Variants in UROC1 observed in about 807,000 individuals in gnomAD.
UROC1 encodes the protein urocanate hydratase.
A neutral mutation model predicts 89.5 loss-of-function variants in UROC1; 79 were observed. The observed-to-expected ratio is 0.88, with a 90% CI of 0.74 to 1.06. The LOEUF (loss-of-function observed/expected upper bound fraction) is 1.06, where lower values mean the gene tolerates loss of function less well. Ranked by LOEUF, UROC1 falls within the 50% of genes least tolerant of loss-of-function variation. The pLI, the probability that UROC1 is intolerant of heterozygous loss-of-function variation, is 0.00. For missense variants in UROC1, 885 were observed against 907.8 expected (o/e 0.97, Z 0.32); for synonymous variants, 361 against 354.8 (o/e 1.02, Z -0.20).
chr3:126,492,895 C>T (rs543516833), intron 15 of UROC1, among the ~76,000 whole-genome samples: 63 of 152,372 alleles, frequency 4.1e-4, no homozygotes, highest in Admixed American at 1.6e-3. Context: ...CAACGCCATC[C>T]AGGGCAAGTT....
intron 15 of UROC1, among the ~76,000 whole-genome samples, chr3:126,493,402 G>T (rs778355944): frequency 1.3e-5 from 2 of 152,180 alleles, no homozygotes; most frequent in Non-Finnish European, 2.9e-5. Context: ...AACCAAACGT[G>T]GTCTGTCCAT....
chr3:126,485,559 C>G (rs1935495415), intron 18 of UROC1, among the ~76,000 whole-genome samples: 1 of 151,978 alleles, frequency 6.6e-6, no homozygotes, highest in South Asian at 2.1e-4. Flanking sequence ...CATTCCACCC[C>G]ACACCTGCTT....
At chr3:126,496,738 T>C (rs1160504639) in intron 14 of UROC1, among the ~76,000 whole-genome samples, 1 of 152,180 alleles carries the variant, frequency 6.6e-6, no homozygotes, top group Non-Finnish European at 1.5e-5. Flanking sequence ...TTAACATAAA[T>C]ATCATTAAAA....
At chr3:126,498,196 C>T (rs1935829152) in intron 13 of UROC1, 24 bp from the exon 14 acceptor site, 1 of 1,613,820 alleles carries the variant, frequency 6.2e-7, no homozygotes, top group Non-Finnish European at 8.5e-7. Flanking sequence ...TGCCTCCTCA[C>T]CCTGGGCCCG....
chr3:126,511,063 G>A (rs886767910), intron 1 of UROC1, among the ~76,000 whole-genome samples: 6 of 152,014 alleles, frequency 3.9e-5, no homozygotes, highest in Admixed American at 2.6e-4. Flanking sequence ...CCTGTTCTGG[G>A]GATGGCGCTG....
At chr3:126,483,570 G>A in intron 18 of UROC1, 102 bp from the exon 19 acceptor site, 1 of 1,131,880 alleles carries the variant, frequency 8.8e-7, no homozygotes, top group Non-Finnish European at 1.3e-6. Flanking sequence ...GACGGCGTCA[G>A]GGTTGGGGCC....
At chr3:126,495,499 A>G (rs1330451476) in intron 15 of UROC1, among the ~76,000 whole-genome samples, 1 of 152,158 alleles carries the variant, frequency 6.6e-6, no homozygotes, top group Non-Finnish European at 1.5e-5. Flanking sequence ...TTTGAGGCCG[A>G]GTCATATTCC....
At chr3:126,509,785 G>T (rs1936156341) in intron 2 of UROC1, 107 bp from the exon 3 acceptor site, 8 of 1,060,122 alleles carry the variant, frequency 7.5e-6, no homozygotes, top group South Asian at 1.4e-5. Context: ...CCGGACACGG[G>T]GCCTGCAGAA....
At chr3:126,489,073 G>T (rs1253405335) in intron 17 of UROC1, among the ~76,000 whole-genome samples, 1 of 152,208 alleles carries the variant, frequency 6.6e-6, no homozygotes, top group Non-Finnish European at 1.5e-5. Flanking sequence ...AGGGCACCCA[G>T]CTGGCCCGGT....
intron 3 of UROC1, among the ~76,000 whole-genome samples, chr3:126,509,162 G>A (rs1374808082): frequency 1.3e-5 from 2 of 151,434 alleles, no homozygotes; most frequent in Non-Finnish European, 2.9e-5. Flanking sequence ...CTTGAGCCCC[G>A]GAGGTTGAGG....
chr3:126,500,926 A>G (rs757215847), intron 10 of UROC1, 52 bp from the exon 11 acceptor site: 1 of 1,602,582 alleles, frequency 6.2e-7, no homozygotes. Flanking sequence ...CTGGGCCCAG[A>G]GTCTGGGGCC....
Position 126,498,118 on chromosome 3 carries a change from G to T in UROC1, c.1371C>A (p.Asp457Glu). 2 of 1,614,196 alleles carry T rather than the reference G, an allele frequency of 1.2e-6. No individual in the cohort carries two copies. The highest frequency in any genetic ancestry group is 1.1e-5 in the South Asian group (1 of 91,090). ...GPFRWVCTSG[D>E]PQDLAVTDEL... ...CGTCTGTGACCGCCAGGTCCTGGGG[G>T]TCCCCCGATGTGCACACCCAGCGGA... The change falls in exon 14 of 20, where the codon GAC becomes GAA. Residue 457 changes from aspartate (D) to glutamate (E), a missense_variant. Coordinates refer to ENST00000290868, the MANE Select transcript of UROC1 (RefSeq NM_144639.3).
At chr3:126,514,899 T>G (rs936009144) in intron 1 of UROC1, among the ~76,000 whole-genome samples, 1 of 152,016 alleles carries the variant, frequency 6.6e-6, no homozygotes, top group Admixed American at 6.5e-5. Context: ...GAATTTACAC[T>G]TTTATACATT....
intron 6 of UROC1, among the ~76,000 whole-genome samples, chr3:126,506,738 A>G (rs1315372005): frequency 6.6e-6 from 1 of 152,252 alleles, no homozygotes; most frequent in Admixed American, 6.5e-5. Context: ...CTAGGACGTA[A>G]GAGGGATCTC....
At chr3:126,502,759 G>A (rs1019812234) in intron 9 of UROC1, among the ~76,000 whole-genome samples, 1 of 31,366 alleles carries the variant, frequency 3.2e-5, no homozygotes, top group African/African-American at 1.0e-4. Context: ...TGTATGTTGT[G>A]TGTGTTTGTG....
chr3:126,490,100 G>A (rs951491731), intron 16 of UROC1, among the ~76,000 whole-genome samples: 2 of 152,216 alleles, frequency 1.3e-5, no homozygotes, highest in Non-Finnish European at 1.5e-5. Context: ...AATAGCTCTT[G>A]GTTTCCTGGA....
intron 9 of UROC1, among the ~76,000 whole-genome samples, chr3:126,503,687 C>A (rs903043294): frequency 2.0e-5 from 3 of 152,264 alleles, no homozygotes; most frequent in Non-Finnish European, 4.4e-5. Flanking sequence ...AGAAGGCTAC[C>A]TGAAGCCCAT....
chr3:126,501,041 T>C (rs1410706089), intron 10 of UROC1, among the ~76,000 whole-genome samples, 167 bp from the exon 11 acceptor site: 1 of 152,138 alleles, frequency 6.6e-6, no homozygotes, highest in East Asian at 1.9e-4. Context: ...GGGAAGGCTG[T>C]GGGCAGGGCA....
intron 9 of UROC1, among the ~76,000 whole-genome samples, chr3:126,502,413 ATG>A (rs549386100): frequency 4.0e-4 from 60 of 150,152 alleles, no homozygotes; most frequent in South Asian, 3.6e-3. Context: ...GTGTGCATGT[ATG>A]TGTGTTATGT....
Sources: gnomAD v4.1 joint callset for allele counts (sites outside exome capture counted in the v4.1 genomes callset) on GRCh38, gnomAD v4.1.1 for gene constraint, MANE v1.5 for transcripts, NCBI Gene and HGNC (gene_info 2026-07-23, HGNC 2026-07-21) for gene names.